The following ABCA6 variants were observed in gnomAD, a reference collection of about 807,000 sequenced individuals.
ABCA6 encodes the protein ATP-binding cassette sub-family A member 6.
A neutral mutation model predicts 191.2 loss-of-function variants in ABCA6; 164 were observed. The observed-to-expected ratio is 0.86, with a 90% CI of 0.76 to 0.98. ABCA6 has a LOEUF of 0.98. Among genes scored for constraint, ABCA6 ranks in the 50% least tolerant of loss-of-function variants. The pLI is 0.00. For synonymous variants in ABCA6, 636 were observed against 647.7 expected (o/e 0.98, Z 0.27); for missense variants, 1,958 against 1,894.1 (o/e 1.03, Z -0.63).
chr17:69,103,590 C>T (rs1279283182), intron 20 of ABCA6, among the ~76,000 whole-genome samples: 2 of 152,098 alleles, frequency 1.3e-5, no homozygotes, highest in Non-Finnish European at 2.9e-5. Context: ...GAGAAAAATT[C>T]ACAGCCTAGA....
intron 17 of ABCA6, chr17:69,108,382 A>T (rs1294992067): frequency 6.6e-6 from 1 of 152,120 alleles, no homozygotes; most frequent in Non-Finnish European, 1.5e-5. Context: ...TTCAGTGACC[A>T]CTCTATATAA....
In ABCA6 at chr17:69,081,248, AG is replaced by A. The variant is rs2072627645; in HGVS notation, c.4617-104del. The A allele has an allele frequency of 1.1e-5, 7 of 610,700 alleles. No homozygotes were observed. The East Asian group carries it at 2.0e-4, about 17-fold the overall frequency. The allele number at this position is 610,700 out of a possible 1,614,324, so 37.8% of individuals were successfully genotyped here. A position where few individuals can be genotyped will look rare whatever the true frequency, so the allele number is the denominator to read the frequency against. ...CCAACAATTTTCTTCTTAAAATAAA[AG>A]TAATGCAAATTAATGTATGGCTTAA... On this transcript the variant is annotated intron_variant, in intron 36 of 38. Coordinates refer to ENST00000284425, the MANE Select transcript of ABCA6 (RefSeq NM_080284.3).
In ABCA6 at chr17:69,140,715, G is replaced by T; in HGVS notation, c.-12C>A. 2 of 1,527,148 alleles carry T rather than the reference G, an allele frequency of 1.3e-6. No individual in the cohort carries two copies. Among genetic ancestry groups the T allele is most frequent in the East Asian group, 4.9e-5 (2 of 40,968 alleles). 94.6% of individuals were successfully genotyped at this position (1,527,148 alleles called of 1,614,324 possible). A position where few individuals can be genotyped will look rare whatever the true frequency, so the allele number is the denominator to read the frequency against. ...TGTTTCATATTCATTTAGCCTATTCGCTGAAGGAGAAAGTAATCATGGTGG... is the reference window on the plus strand; with the variant it reads ...TGTTTCATATTCATTTAGCCTATTCTCTGAAGGAGAAAGTAATCATGGTGG... On this transcript the variant is annotated 5_prime_UTR_variant, in exon 2 of 39. Coordinates refer to ENST00000284425, the MANE Select transcript of ABCA6 (RefSeq NM_080284.3).
At position 69,115,420 on chromosome 17, in the gene ABCA6, G is replaced by T; in HGVS notation, c.1562C>A (p.Ser521Tyr). 6.2e-7 allele frequency: 1 copy of T among 1,611,836 alleles called. No individual in the cohort carries two copies. The change falls in exon 12 of 39, where the codon TCT (serine) becomes TAT (tyrosine). Residue 521 changes from serine to tyrosine, a missense_variant. Ser to Tyr is a moderately radical substitution (Grantham distance 144). Transcript: ENST00000284425. ...TCCATTAAGAATATTTAGCAGTGAA[G>T]ATTTGCCAGCTCCACTGTGACCCAG... is the stretch of plus-strand genomic sequence containing the variant. ...AILGHSGAGK[S>Y]SLLNILNGLS...
At chr17:69,107,999 T>A (rs182713675) in intron 17 of ABCA6, 187 bp from the exon 18 acceptor site, 289 of 508,576 alleles carry the variant, frequency 5.7e-4, no homozygotes, top group Non-Finnish European at 6.4e-4. Flanking sequence ...AAGGAAGACC[T>A]CTTCCTCCAT....
Position 69,128,806 on chromosome 17 carries a change from T to A in ABCA6, c.934-2A>T, listed in dbSNP as rs767212583. On this transcript the variant is annotated splice_acceptor_variant, in intron 7 of 38. Transcript: ENST00000284425. LOFTEE classifies it high-confidence loss of function. ...ACTCATCAGGAACACCAAAGCTACCTGCAAGAGAGAGAAGACATTCAGCTG... is the reference window on the plus strand; with the variant it reads ...ACTCATCAGGAACACCAAAGCTACCAGCAAGAGAGAGAAGACATTCAGCTG... 1.9e-6 allele frequency: 3 copies of A among 1,581,282 alleles called. No homozygotes were observed. The highest frequency in any genetic ancestry group is 2.4e-5 in the South Asian group (2 of 84,096).
chr17:69,081,701 CT>C (rs1414223461), intron 36 of ABCA6, among the ~76,000 whole-genome samples: 2 of 152,102 alleles, frequency 1.3e-5, no homozygotes, highest in Non-Finnish European at 2.9e-5. Context: ...ATTCTGAAGG[CT>C]TTTTCTAGGC....
intron 20 of ABCA6, 127 bp from the exon 21 acceptor site, chr17:69,103,095 G>C: frequency 3.6e-6 from 2 of 560,298 alleles, no homozygotes; most frequent in East Asian, 6.8e-5. Flanking sequence ...TCTTTCTTTG[G>C]GTATCACAAT....
At chr17:69,133,237 A>G (rs1159827832) in intron 6 of ABCA6, among the ~76,000 whole-genome samples, 3 of 152,220 alleles carry the variant, frequency 2.0e-5, no homozygotes, top group African/African-American at 7.2e-5. Flanking sequence ...TCAACATGAG[A>G]AAGTCTGGAG....
chr17:69,107,682 A>G lies in ABCA6; in HGVS notation c.2389+14T>C, dbSNP rs372655841. 27 of 1,520,054 alleles carry G rather than the reference A, an allele frequency of 1.8e-5. No homozygotes were observed. In the African/African-American group the frequency reaches 3.7e-4, roughly 21 times the overall value. 94.2% of individuals were successfully genotyped at this position (1,520,054 alleles called of 1,614,324 possible). A position where few individuals can be genotyped will look rare whatever the true frequency, so the allele number is the denominator to read the frequency against. On this transcript the variant is annotated intron_variant, in intron 18 of 38. Transcript: ENST00000284425. Reference sequence around the variant, plus strand: ...TGGGAATTGGTTTTCTGTGAATTATACAAATGGCTTTACCTTGTTCGATAG... The same window carrying G: ...TGGGAATTGGTTTTCTGTGAATTATGCAAATGGCTTTACCTTGTTCGATAG...
intron 8 of ABCA6, among the ~76,000 whole-genome samples, chr17:69,127,519 G>T (rs2073775896): frequency 6.6e-6 from 1 of 151,968 alleles, no homozygotes; most frequent in African/African-American, 2.4e-5. Flanking sequence ...ATATACAAAG[G>T]CATTAAACGT....
In ABCA6 at chr17:69,101,051, G is replaced by A. The variant is rs116331072; in HGVS notation, c.2875-117C>T. 2.2e-3 allele frequency: 1,893 copies of A among 846,810 alleles called. 22 individuals carry two copies. In the African/African-American group the frequency reaches 0.029, roughly 13 times the overall value. The allele number at this position is 846,810 out of a possible 1,614,324, so 52.5% of individuals were successfully genotyped here. A position where few individuals can be genotyped will look rare whatever the true frequency, so the allele number is the denominator to read the frequency against. Reference sequence around the variant, plus strand: ...GCTTGTTGTGTGTCCATCTTCAAGTGAACTAAACTTTCTGAGCTTTACCTT... The same window carrying A: ...GCTTGTTGTGTGTCCATCTTCAAGTAAACTAAACTTTCTGAGCTTTACCTT... On this transcript the variant is annotated intron_variant, in intron 21 of 38. Transcript: ENST00000284425.
chr17:69,097,128 C>A (rs150394456), intron 23 of ABCA6, among the ~76,000 whole-genome samples: 2 of 152,196 alleles, frequency 1.3e-5, no homozygotes, highest in African/African-American at 4.8e-5. Flanking sequence ...CATGGTGGCT[C>A]ACGCCTGTAA....
chr17:69,136,521 T>G (rs2073950878), intron 3 of ABCA6, among the ~76,000 whole-genome samples: 2 of 152,184 alleles, frequency 1.3e-5, no homozygotes, highest in African/African-American at 4.8e-5. Context: ...TGTGCCAAAT[T>G]AAGTATGCAT....
intron 28 of ABCA6, 140 bp from the exon 29 acceptor site, chr17:69,087,613 T>C (rs2072831388): frequency 1.7e-6 from 2 of 1,176,910 alleles, no homozygotes; most frequent in Non-Finnish European, 2.4e-6. Flanking sequence ...CAATATTGCT[T>C]CTGCTTTTGC....
chr17:69,107,658 G>T, intron 18 of ABCA6, 38 bp downstream of exon 18: 1 of 1,296,160 alleles, frequency 7.7e-7, no homozygotes, highest in South Asian at 1.3e-5. Context: ...ATGATCATTT[G>T]GGAATTGGTT....
chr17:69,130,697 T>C (rs1476742171), intron 6 of ABCA6, among the ~76,000 whole-genome samples: 1 of 152,214 alleles, frequency 6.6e-6, no homozygotes, highest in African/African-American at 2.4e-5. Flanking sequence ...TTGTTAGATA[T>C]TGCCATACCG....
intron 10 of ABCA6, among the ~76,000 whole-genome samples, chr17:69,122,114 G>C (rs1490329258): frequency 6.6e-6 from 1 of 151,996 alleles, no homozygotes; most frequent in African/African-American, 2.4e-5. Context: ...AGACTATCTG[G>C]ATTACAATTC....
rs1462707257 is a variant in ABCA6 at position 69,082,909 on chromosome 17, A to G, written c.4580T>C (p.Ile1527Thr). The G allele has an allele frequency of 6.2e-7, 1 of 1,614,216 alleles. No homozygotes were observed. The highest frequency in any genetic ancestry group is 2.2e-5 in the East Asian group (1 of 44,890). ...TGCAGCCTGTGGGAAAAGCTTCAGA[A>G]TCTCAGTGTGGACCAAAGTCACTTG... ...TSQVTLVHTE[I>T]LKLFPQAAGQ... The change falls in exon 36 of 39, where the codon ATT (isoleucine) becomes ACT (threonine). Residue 1527 changes from isoleucine to threonine, a missense_variant. Physicochemically the swap from Ile to Thr is moderately conservative, Grantham distance 89. Transcript: ENST00000284425.
Sources: gnomAD v4.1 joint callset for allele counts (sites outside exome capture counted in the v4.1 genomes callset) on GRCh38, gnomAD v4.1.1 for gene constraint, MANE v1.5 for transcripts, NCBI Gene and HGNC (gene_info 2026-07-23, HGNC 2026-07-21) for gene names.